Variants in RSAD1 observed in about 807,000 individuals in gnomAD.
RSAD1 encodes the protein radical S-adenosyl methionine domain containing 1, also known as radical S-adenosyl methionine domain-containing protein 1, mitochondrial.
Under a neutral mutation model 46.2 loss-of-function variants are expected in RSAD1, and 34 were observed. That is an observed-to-expected ratio of 0.74 (90% CI 0.56 to 0.98). The LOEUF is 0.98. RSAD1 is among the 50% of genes least tolerant of loss of function. RSAD1 has a pLI of 0.00. For synonymous variants in RSAD1, 260 were observed against 253.5 expected (o/e 1.03, Z -0.24); for missense variants, 635 against 592.3 (o/e 1.07, Z -0.75).
In RSAD1 at chr17:50,484,804, G is replaced by T. The variant is rs1458475336; in HGVS notation, c.1272G>T (p.Leu424=). 1 of 1,614,100 alleles carries T rather than the reference G, an allele frequency of 6.2e-7. No homozygotes were observed. The highest frequency in any genetic ancestry group is 1.7e-5 in the Admixed American group (1 of 60,002). The change falls in exon 9 of 9, where the codon CTG becomes CTT. Residue 424 remains leucine (L), a synonymous_variant. Transcript: ENST00000258955. ...TGGACTCTCTCTTGCTGACCCTCCT[G>T]CCTCAGCTCCAAGAAGCCTGGCAGC... ...AVLDSLLLTL[L]PQLQEAWQQR...
Position 50,483,525 on chromosome 17 carries a change from C to T in RSAD1, c.1052+38C>T, listed in dbSNP as rs2033411453. 3 of 1,606,244 alleles carry T rather than the reference C, an allele frequency of 1.9e-6. No individual in the cohort carries two copies. The African/African-American group carries it at 4.0e-5, about 21-fold the overall frequency. The stretch of plus-strand genomic sequence containing the variant: ...GGGCACAGGGCTCTCCTCCAGGATC[C>T]CCACACCCCAAGACCATGTCTATTT... On this transcript the variant is annotated intron_variant, in intron 6 of 8. Coordinates refer to ENST00000258955, the MANE Select transcript of RSAD1 (RefSeq NM_018346.3).
In RSAD1 at chr17:50,482,135, G is replaced by A. The variant is rs34067532; in HGVS notation, c.519G>A (p.Ser173=). 364 of 1,589,866 alleles carry A rather than the reference G, an allele frequency of 2.3e-4. No individual in the cohort carries two copies. The African/African-American group carries it at 3.9e-3, about 17-fold the overall frequency. ...TELRLLGRTH[S]ACDALRTLAE... ...TCCGGCTGTTGGGACGGACGCACTC[G>A]GCCTGCGATGCTCTGCGGACGCTGG... The change falls in exon 4 of 9, where the codon TCG becomes TCA. Residue 173 remains serine (S), a synonymous_variant. Coordinates refer to ENST00000258955, the MANE Select transcript of RSAD1 (RefSeq NM_018346.3).
chr17:50,479,471 C>T lies in RSAD1; in HGVS notation c.136-158C>T, dbSNP rs559770887. 3.0e-4 allele frequency: 240 copies of T among 808,084 alleles called. 1 individual carries two copies. The African/African-American group carries it at 3.9e-3, about 13-fold the overall frequency. The allele number at this position is 808,084 out of a possible 1,614,324, so 50.1% of individuals were successfully genotyped here. On this transcript the variant is annotated intron_variant, in intron 1 of 8. Transcript: ENST00000258955. ...CACATTGAAGTGGATGTAATAACCC[C>T]AGTGCGACCTGCCTTGGGGAGTTGT... is the stretch of plus-strand genomic sequence containing the variant.
intron 7 of RSAD1, chr17:50,484,139 C>G (rs1421391335): frequency 1.1e-5 from 5 of 451,230 alleles, no homozygotes; most frequent in Non-Finnish European, 2.0e-5. Context: ...TCAAGCAAAT[C>G]CAGAGCTGCT....
chr17:50,483,172 C>CAAA lies in RSAD1; in HGVS notation c.905-150_905-148dup, dbSNP rs71353643. Among the ~76,000 whole-genome samples the CAAA allele has an allele frequency of 4.2e-3, 290 of 68,302 alleles. 7 individuals are homozygous for CAAA. The highest frequency in any genetic ancestry group is 0.01 in the African/African-American group (140 of 13,916). 44.8% of individuals were successfully genotyped at this position (68,302 alleles called of 152,430 possible). A position where few individuals can be genotyped will look rare whatever the true frequency, so the allele number is the denominator to read the frequency against. On this transcript the variant is annotated intron_variant, in intron 5 of 8. Transcript: ENST00000258955. ...TGGGCAGTATAGTGAGACACCACCTCAAAAAAAAAAAAAAAAAAAAGAAAG... is the reference window on the plus strand; with the variant it reads ...TGGGCAGTATAGTGAGACACCACCTCAAAAAAAAAAAAAAAAAAAAAAAGAAAG...
At chr17:50,483,861 T>A in intron 7 of RSAD1, 101 bp downstream of exon 7, 2 of 1,164,444 alleles carry the variant, frequency 1.7e-6, no homozygotes, top group Non-Finnish European at 2.4e-6. Flanking sequence ...CTCCAATTTC[T>A]GTGAGATTGG....
intron 1 of RSAD1, chr17:50,479,319 G>C: frequency 2.0e-6 from 1 of 492,366 alleles, no homozygotes; most frequent in South Asian, 3.3e-5. Flanking sequence ...CTCGGTAGCT[G>C]GGAAAATGGC....
At chr17:50,483,248 G>A in intron 5 of RSAD1, 92 bp from the exon 6 acceptor site, 1 of 1,173,786 alleles carries the variant, frequency 8.5e-7, no homozygotes, top group Non-Finnish European at 1.2e-6. Context: ...CAGTATGTTA[G>A]AGGCAGTTGC....
At chr17:50,481,017 C>T (rs2033374997) in intron 3 of RSAD1, among the ~76,000 whole-genome samples, 1 of 152,172 alleles carries the variant, frequency 6.6e-6, no homozygotes, top group Admixed American at 6.5e-5. Context: ...AGAAATTATT[C>T]ATTTTAAATA....
rs2033410986 is a variant in RSAD1, at chr17:50,483,494, A to G, written c.1052+7A>G. ...CCCTGGGCAGGCTGGAGCTGTGAGCATCCAAGGGCACAGGGCTCTCCTCCA... is the reference window on the plus strand; with the variant it reads ...CCCTGGGCAGGCTGGAGCTGTGAGCGTCCAAGGGCACAGGGCTCTCCTCCA... On this transcript the variant is annotated splice_region_variant and intron_variant, in intron 6 of 8. Transcript: ENST00000258955. 6.2e-7 allele frequency: 1 copy of G among 1,612,202 alleles called. No individual in the cohort carries two copies. Among genetic ancestry groups the G allele is most frequent in the African/African-American group, 1.3e-5 (1 of 75,038 alleles).
chr17:50,484,784 T>G lies in RSAD1; in HGVS notation c.1252T>G (p.Ser418Ala). ...CTGGGAGGGTCTGGCTGTGCTGGAC[T>G]CTCTCTTGCTGACCCTCCTGCCTCA... ...CSWEGLAVLD[S>A]LLLTLLPQLQ... The change falls in exon 9 of 9, where the codon TCT becomes GCT. Residue 418 changes from serine (S) to alanine (A), a missense_variant. Ser to Ala is a moderately conservative substitution (Grantham distance 99). Coordinates refer to ENST00000258955, the MANE Select transcript of RSAD1 (RefSeq NM_018346.3). 1.2e-6 allele frequency: 2 copies of G among 1,613,926 alleles called. No individual in the cohort carries two copies. Among genetic ancestry groups the G allele is most frequent in the Non-Finnish European group, 1.7e-6 (2 of 1,179,856 alleles).
intron 5 of RSAD1, among the ~76,000 whole-genome samples, chr17:50,483,037 TAAAAAAAAAAGAA>T (rs2033401026): frequency 7.0e-6 from 1 of 142,478 alleles, no homozygotes. Flanking sequence ...GATAGATGAT[TAAAAAAAAAAGAA>T]AAAGAAAAAA....
At chr17:50,479,166 C>T in intron 1 of RSAD1, 147 bp downstream of exon 1, 1 of 895,170 alleles carries the variant, frequency 1.1e-6, no homozygotes, top group Non-Finnish European at 1.5e-6. Context: ...GGATGGGACC[C>T]TGTGCTTTGG....
chr17:50,479,484 C>A, intron 1 of RSAD1, 145 bp from the exon 2 acceptor site: 1 of 956,990 alleles, frequency 1.0e-6, no homozygotes, highest in Non-Finnish European at 1.5e-6. Flanking sequence ...TGCGACCTGC[C>A]TTGGGGAGTT....
chr17:50,479,119 C>G, intron 1 of RSAD1, 100 bp downstream of exon 1: 1 of 1,209,710 alleles, frequency 8.3e-7, no homozygotes, highest in Admixed American at 4.0e-5. Context: ...CTCTATGAAC[C>G]CGCCTGCCGT....
rs1598445825 is a variant in RSAD1 at position 50,485,411 on chromosome 17, C to T, written c.*550C>T. 1 of 152,792 alleles carries T rather than the reference C, an allele frequency of 6.5e-6. No homozygotes were observed. Among genetic ancestry groups the T allele is most frequent in the East Asian group, 1.9e-4 (1 of 5,216 alleles). 9.5% of individuals were successfully genotyped at this position (152,792 alleles called of 1,614,324 possible). On this transcript the variant is annotated 3_prime_UTR_variant, in exon 9 of 9. Coordinates refer to ENST00000258955, the MANE Select transcript of RSAD1 (RefSeq NM_018346.3). ...TTGCAGGAGGCACAGAAAACTCCTG[C>T]TGATGGTCTCAGCTTCCAGCAGCAC...
intron 3 of RSAD1, chr17:50,480,358 A>G (rs903743104): frequency 1.7e-5 from 8 of 478,910 alleles, no homozygotes; most frequent in African/African-American, 3.9e-5. Context: ...GATTTGCTAC[A>G]TGACACGGGA....
Position 50,483,445 on chromosome 17 carries a change from G to A in RSAD1, c.1010G>A (p.Gly337Asp), listed in dbSNP as rs2033409604. 6.2e-7 allele frequency: 1 copy of A among 1,613,456 alleles called. No homozygotes were observed. Among genetic ancestry groups the A allele is most frequent in the African/African-American group, 1.3e-5 (1 of 74,902 alleles). ...TGGATGAAGGAGGTGATGCTGTTTG[G>A]CCATGGCACCCGGAAGCGTGTCCCC... ...DNWMKEVMLF[G>D]HGTRKRVPLG... Residue 337 changes from glycine to aspartate, a missense_variant, in exon 6 of 9, where the codon GGC becomes GAC. Coordinates refer to ENST00000258955, the MANE Select transcript of RSAD1 (RefSeq NM_018346.3).
chr17:50,484,632 AAGAC>A, intron 8 of RSAD1, 87 bp downstream of exon 8: 3 of 1,532,374 alleles, frequency 2.0e-6, no homozygotes, highest in Non-Finnish European at 1.8e-6. Context: ...AGAAGTGAGA[AAGAC>A]TGACTGGTAA....
Sources: gnomAD v4.1 joint callset for allele counts (sites outside exome capture counted in the v4.1 genomes callset) on GRCh38, gnomAD v4.1.1 for gene constraint, MANE v1.5 for transcripts, NCBI Gene and HGNC (gene_info 2026-07-23, HGNC 2026-07-21) for gene names.